Variants in ITGB5 observed in about 807,000 individuals in gnomAD.
The protein encoded by ITGB5 is integrin subunit beta 5, also known as integrin beta-5.
Under a neutral mutation model 84.8 loss-of-function variants are expected in ITGB5, and 38 were observed. The observed-to-expected ratio is 0.45, with a 90% CI of 0.35 to 0.59. The LOEUF (loss-of-function observed/expected upper bound fraction) is 0.59, where lower values mean the gene tolerates loss of function less well. ITGB5 is among the 20% of genes least tolerant of loss of function. The pLI, the probability that ITGB5 is intolerant of heterozygous loss-of-function variation, is 0.01. For missense variants in ITGB5, 905 were observed against 1,034.5 expected (o/e 0.87, Z 1.72); for synonymous variants, 393 against 414.4 (o/e 0.95, Z 0.63).
rs541085358 is a variant in ITGB5 at position 124,799,366 on chromosome 3, C to G, written c.1264-2549G>C. ...TTGAGGCCAGGAGTTCGAGACCAAC[C>G]TGGACAACATGGCAAAACCCCATCT... On this transcript the variant is annotated intron_variant, in intron 9 of 14. Transcript: ENST00000296181. 3.2e-4 allele frequency among the ~76,000 whole-genome samples: 48 copies of G among 152,252 alleles called. 1 individual carries two copies. The South Asian group carries it at 9.7e-3, about 31-fold the overall frequency.
chr3:124,854,754 T>A (rs1334157937), intron 3 of ITGB5, among the ~76,000 whole-genome samples: 1 of 152,236 alleles, frequency 6.6e-6, no homozygotes, highest in African/African-American at 2.4e-5. Flanking sequence ...GTGAATTTTA[T>A]GGTCTGTGAA....
intron 5 of ITGB5, among the ~76,000 whole-genome samples, chr3:124,826,160 A>G (rs138918013): frequency 0.025 from 3,829 of 152,264 alleles, 82 homozygotes; most frequent in African/African-American, 0.045. Flanking sequence ...AAAGTTATAG[A>G]CAATTTTTTG....
intron 3 of ITGB5, among the ~76,000 whole-genome samples, chr3:124,853,749 G>C (rs1383455333): frequency 6.6e-6 from 1 of 152,150 alleles, no homozygotes. Flanking sequence ...TAACCATGTT[G>C]GTTTCCTGGT....
At chr3:124,812,396 G>A (rs1324268035) in intron 8 of ITGB5, among the ~76,000 whole-genome samples, 1 of 152,214 alleles carries the variant, frequency 6.6e-6, no homozygotes, top group African/African-American at 2.4e-5. Context: ...GCCAGCTGTG[G>A]AGTGGGTGGG....
At chr3:124,805,989 C>T (rs1287884014) in intron 9 of ITGB5, among the ~76,000 whole-genome samples, 1 of 152,196 alleles carries the variant, frequency 6.6e-6, no homozygotes, top group African/African-American at 2.4e-5. Flanking sequence ...AGCCTTCCCA[C>T]ATTTGATAAG....
At chr3:124,777,580 A>C (rs563184514) in intron 10 of ITGB5, among the ~76,000 whole-genome samples, 1 of 152,334 alleles carries the variant, frequency 6.6e-6, no homozygotes, top group East Asian at 1.9e-4. Context: ...GACGCTGCAC[A>C]TCTCCTTCTC....
chr3:124,806,551 A>C (rs2064407323), intron 9 of ITGB5, among the ~76,000 whole-genome samples: 1 of 147,490 alleles, frequency 6.8e-6, no homozygotes, highest in Admixed American at 7.0e-5. Context: ...CTCCTGCCTC[A>C]GCCTCCCGAG....
intron 9 of ITGB5, among the ~76,000 whole-genome samples, chr3:124,798,142 T>C (rs1280892432): frequency 1.4e-5 from 2 of 141,050 alleles, no homozygotes; most frequent in Admixed American, 7.7e-5. Context: ...AATCTCCACC[T>C]CCCGGGTTCA....
intron 6 of ITGB5, 78 bp from the exon 7 acceptor site, chr3:124,819,912 A>C: frequency 9.5e-7 from 1 of 1,052,018 alleles, no homozygotes; most frequent in Non-Finnish European, 1.5e-6. Context: ...ATGCACAGTC[A>C]GCAGCCAGCA....
At position 124,863,672 on chromosome 3, in the gene ITGB5, C is replaced by G. The variant is rs963257214; in HGVS notation, c.157-4226G>C. 2.0e-5 allele frequency among the ~76,000 whole-genome samples: 3 copies of G among 152,340 alleles called. No homozygotes were observed. In the East Asian group the frequency reaches 5.8e-4, roughly 29 times the overall value. ...TAGCTGGGATTACAAGCATGTGCTACTATGCCTGGCTAATTTTTGTATTTT... is the reference window on the plus strand; with the variant it reads ...TAGCTGGGATTACAAGCATGTGCTAGTATGCCTGGCTAATTTTTGTATTTT... On this transcript the variant is annotated intron_variant, in intron 2 of 14. Transcript: ENST00000296181.
chr3:124,768,966 A>T (rs1356973552), intron 12 of ITGB5, 47 bp downstream of exon 12: 1 of 1,465,116 alleles, frequency 6.8e-7, no homozygotes, highest in Non-Finnish European at 9.5e-7. Context: ...CCTCCTCCCC[A>T]GGAAGGAGAA....
intron 5 of ITGB5, among the ~76,000 whole-genome samples, chr3:124,822,511 T>A (rs2064722638): frequency 6.6e-6 from 1 of 152,062 alleles, no homozygotes. Flanking sequence ...TAATGGTGGA[T>A]AAAACAGCCA....
chr3:124,788,573 A>G (rs889304020), intron 10 of ITGB5, among the ~76,000 whole-genome samples: 7 of 152,194 alleles, frequency 4.6e-5, no homozygotes, highest in South Asian at 2.1e-4. Context: ...CTGTTCTCAG[A>G]GCCACCTGTT....
At chr3:124,827,286 C>A (rs148640990) in intron 5 of ITGB5, among the ~76,000 whole-genome samples, 2 of 152,220 alleles carry the variant, frequency 1.3e-5, no homozygotes, top group African/African-American at 4.8e-5. Flanking sequence ...TGGAAATAAG[C>A]CTGCTTTGCA....
chr3:124,898,379 C>A (rs1935148511), intron 1 of ITGB5, among the ~76,000 whole-genome samples: 1 of 151,800 alleles, frequency 6.6e-6, no homozygotes, highest in Admixed American at 6.6e-5. Context: ...CGCGGTGGCT[C>A]ACGCCTGTAA....
intron 14 of ITGB5, 132 bp downstream of exon 14, chr3:124,764,259 G>T: frequency 1.1e-6 from 1 of 918,814 alleles, no homozygotes. Flanking sequence ...ACTGGGCACA[G>T]CGTTTCTGGT....
At position 124,887,203 on chromosome 3, in the gene ITGB5, G is replaced by C. The variant is rs1234767689; in HGVS notation, c.-203C>G. 2.6e-5 allele frequency: 4 copies of C among 152,224 alleles called. No homozygotes were observed. The highest frequency in any genetic ancestry group is 2.6e-4 in the Admixed American group (4 of 15,240). 9.4% of individuals were successfully genotyped at this position (152,224 alleles called of 1,614,324 possible). On this transcript the variant is annotated 5_prime_UTR_variant, in exon 1 of 15. Coordinates refer to ENST00000296181, the MANE Select transcript of ITGB5 (RefSeq NM_002213.5). ...GCACTCACGGCCGAGTCCCGGGACC[G>C]CGGCTGCCCTGGCTGGCCGGCCGGG...
intron 5 of ITGB5, 146 bp downstream of exon 5, chr3:124,841,236 AG>A: frequency 1.4e-6 from 1 of 689,698 alleles, no homozygotes; most frequent in African/African-American, 1.8e-5. Context: ...ATTTCCCAGA[AG>A]TTCCACTGAG....
chr3:124,870,496 A>C (rs1446829654), intron 2 of ITGB5, among the ~76,000 whole-genome samples: 1 of 152,178 alleles, frequency 6.6e-6, no homozygotes, highest in Non-Finnish European at 1.5e-5. Context: ...TGGGAGGCCA[A>C]GGTGGGTGGA....
Sources: allele counts gnomAD v4.1 joint callset (sites outside exome capture counted in the v4.1 genomes callset), GRCh38; gene constraint gnomAD v4.1.1; transcripts MANE v1.5; gene names NCBI Gene and HGNC (gene_info 2026-07-23, HGNC 2026-07-21).